EP300: variants seen among roughly 807,000 people sequenced by gnomAD.
EP300 encodes histone acetyltransferase p300.
EP300 carries 31 observed loss-of-function variants against 264.0 expected under a neutral mutation model. The ratio of observed to expected loss-of-function variants is 0.12; its 90% CI spans 0.09 to 0.16. The LOEUF (loss-of-function observed/expected upper bound fraction) is 0.16. Among genes scored for constraint, EP300 ranks in the 10% least tolerant of loss-of-function variants. The pLI is 1.00. For synonymous variants in EP300, 1,340 were observed against 1,045.4 expected (o/e 1.28, Z -5.44); for missense variants, 2,766 against 3,052.9 (o/e 0.91, Z 2.21).
intron 6 of EP300, among the ~76,000 whole-genome samples, chr22:41,134,993 C>CGCCTCCT (rs1222814162): frequency 6.6e-5 from 10 of 152,064 alleles, no homozygotes; most frequent in Non-Finnish European, 1.2e-4. Context: ...CTGCAACCTC[C>CGCCTCCT]GCCTCCTGGG....
At chr22:41,126,707 T>C (rs1438283379) in intron 3 of EP300, among the ~76,000 whole-genome samples, 1 of 148,650 alleles carries the variant, frequency 6.7e-6, no homozygotes, top group Non-Finnish European at 1.5e-5. Context: ...AAACATGTCA[T>C]CTCTGTCCCG....
chr22:41,178,035 G>A lies in EP300; in HGVS notation c.6324G>A (p.Gln2108=), dbSNP rs764242648. ...QPIPGQPGMP[Q]GQPGLQPPTM... ...TCCCTGGGCAGCCTGGCATGCCCCAGGGGCAGCCAGGGCTACAGCCACCTA... is the reference window on the plus strand; with the variant it reads ...TCCCTGGGCAGCCTGGCATGCCCCAAGGGCAGCCAGGGCTACAGCCACCTA... The change falls in exon 31 of 31, where the codon CAG becomes CAA. Residue 2108 remains glutamine, a synonymous_variant. Coordinates refer to ENST00000263253, the MANE Select transcript of EP300 (RefSeq NM_001429.4). The A allele has an allele frequency of 1.6e-5, 26 of 1,614,098 alleles. 1 individual carries two copies. In the South Asian group the frequency reaches 2.9e-4, roughly 18 times the overall value.
chr22:41,168,391 C>T (rs980102262), intron 23 of EP300, 58 bp from the exon 24 acceptor site: 165 of 1,596,652 alleles, frequency 1.0e-4, no homozygotes, highest in Admixed American at 3.8e-4. Flanking sequence ...GAGGTTGAAC[C>T]TTAAGACTAA....
chr22:41,125,332 A>G (rs2058875324), intron 2 of EP300, among the ~76,000 whole-genome samples: 2 of 151,378 alleles, frequency 1.3e-5, no homozygotes, highest in African/African-American at 4.8e-5. Context: ...GTTAGCCAGG[A>G]TAGTCTCTAT....
rs1230582824 is a variant in EP300 at position 41,179,795 on chromosome 22, A to T, written c.*839A>T. On this transcript the variant is annotated 3_prime_UTR_variant, in exon 31 of 31. Coordinates refer to ENST00000263253, the MANE Select transcript of EP300 (RefSeq NM_001429.4). ...AAAATTAAAAAGAGGGTAAGAAACG[A>T]TTCCGGTGGGATGATTTTAACATGC... 2 of 229,962 alleles carry T rather than the reference A, an allele frequency of 8.7e-6. No homozygotes were observed. Among genetic ancestry groups the T allele is most frequent in the Non-Finnish European group, 1.7e-5 (2 of 116,014 alleles). 14.2% of individuals were successfully genotyped at this position (229,962 alleles called of 1,614,324 possible). A position where few individuals can be genotyped will look rare whatever the true frequency, so the allele number is the denominator to read the frequency against.
rs1326145389 is a variant in EP300, at chr22:41,177,287, C to T, written c.5576C>T (p.Thr1859Ile). 1 of 1,614,126 alleles carries T rather than the reference C, an allele frequency of 6.2e-7. No individual in the cohort carries two copies. The highest frequency in any genetic ancestry group is 1.1e-5 in the South Asian group (1 of 91,080). ...SPTPATPTTP[T>I]GQQPTTPQTP... ...ACTCCTGCCACTCCAACGACACCAA[C>T]TGGCCAACAGCCAACCACCCCGCAG... Residue 1859 changes from threonine to isoleucine, a missense_variant, in exon 31 of 31, where the codon ACT becomes ATT. Thr to Ile is a moderately conservative substitution (Grantham distance 89, BLOSUM62 -1). Transcript: ENST00000263253.
chr22:41,113,154 T>TCCCCCC (rs146149759), intron 1 of EP300, among the ~76,000 whole-genome samples: 38 of 68,356 alleles, frequency 5.6e-4, no homozygotes, highest in South Asian at 1.2e-3. Flanking sequence ...GAATCAGGAT[T>TCCCCCC]CCACCCCCCC....
rs745616467 is a variant in EP300, at chr22:41,178,820, A to G, written c.7109A>G (p.Asn2370Ser). The change falls in exon 31 of 31, where the codon AAT becomes AGT. Residue 2370 changes from asparagine (N) to serine (S), a missense_variant. By Grantham distance (46) the Asn-to-Ser change is conservative. Coordinates refer to ENST00000263253, the MANE Select transcript of EP300 (RefSeq NM_001429.4). ...GGGCATTTTGCCAGCCCGGACCAGA[A>G]TTCAATGCTTTCTCAGCTTGCTAGC... ...EQGHFASPDQNSMLSQLASNP... is the reference protein window; with the variant it reads ...EQGHFASPDQSSMLSQLASNP... The G allele has an allele frequency of 5.6e-6, 9 of 1,614,160 alleles. No homozygotes were observed. Among genetic ancestry groups the G allele is most frequent in the Non-Finnish European group, 6.8e-6 (8 of 1,180,022 alleles).
chr22:41,113,319 A>G (rs1340048903), intron 1 of EP300, among the ~76,000 whole-genome samples: 2 of 151,346 alleles, frequency 1.3e-5, no homozygotes, highest in Admixed American at 6.6e-5. Context: ...TTATCTTTTA[A>G]TTTTCTTTTT....
At chr22:41,101,568 TGC>T (rs1260666373) in intron 1 of EP300, among the ~76,000 whole-genome samples, 2 of 151,920 alleles carry the variant, frequency 1.3e-5, no homozygotes, top group African/African-American at 4.8e-5. Flanking sequence ...CCCGCCACCA[TGC>T]CCGGCTAATT....
chr22:41,134,715 T>C (rs958464990), intron 6 of EP300, among the ~76,000 whole-genome samples: 1 of 152,148 alleles, frequency 6.6e-6, no homozygotes, highest in African/African-American at 2.4e-5. Context: ...AAATAATTAT[T>C]GAGTGACGAG....
rs1341243970 is a variant in EP300 at position 41,177,831 on chromosome 22, A to G, written c.6120A>G (p.Pro2040=). 6.2e-7 allele frequency: 1 copy of G among 1,614,048 alleles called. No individual in the cohort carries two copies. Among genetic ancestry groups the G allele is most frequent in the Admixed American group, 1.7e-5 (1 of 60,016 alleles). Residue 2040 remains proline (P), a synonymous_variant, in exon 31 of 31, where the codon CCA becomes CCG. Transcript: ENST00000263253. ...QPGLGQVGIS[P]LKPGTVSQQA... The stretch of plus-strand genomic sequence containing the variant: ...GATTGGGCCAGGTAGGTATCAGCCC[A>G]CTCAAACCAGGCACTGTGTCTCAAC...
chr22:41,167,842 T>G (rs1429358997), intron 23 of EP300, among the ~76,000 whole-genome samples: 29 of 102,632 alleles, frequency 2.8e-4, no homozygotes, highest in Non-Finnish European at 5.2e-4. Flanking sequence ...TTTTTTTTTT[T>G]TTTTTTTTTG....
chr22:41,158,669 A>T (rs1042988801), intron 19 of EP300, 169 bp downstream of exon 19: 4 of 630,936 alleles, frequency 6.3e-6, no homozygotes, highest in Non-Finnish European at 1.1e-5. Context: ...GAACAATAAA[A>T]TTTTCTATCA....
chr22:41,119,842 A>C (rs185808050), intron 2 of EP300, among the ~76,000 whole-genome samples: 161 of 152,248 alleles, frequency 1.1e-3, no homozygotes, highest in African/African-American at 3.7e-3. Flanking sequence ...TTTGAGACCG[A>C]GTCTTGCTGT....
chr22:41,132,391 G>A (rs1291811672), intron 6 of EP300, among the ~76,000 whole-genome samples: 5 of 143,430 alleles, frequency 3.5e-5, no homozygotes, highest in Admixed American at 7.2e-5. Context: ...GGGTTCAAGC[G>A]AATCTCCTGC....
Position 41,176,910 on chromosome 22 carries a change from G to C in EP300, c.5199G>C (p.Leu1733=). ...AGAGCCCAGGCGATTCTCGCCGCCTGAGTATCCAGCGCTGCATCCAGTCTC... is the reference window on the plus strand; with the variant it reads ...AGAGCCCAGGCGATTCTCGCCGCCTCAGTATCCAGCGCTGCATCCAGTCTC... ...ATQSPGDSRR[L]SIQRCIQSLV... Residue 1733 remains leucine, a synonymous_variant, in exon 31 of 31, where the codon CTG becomes CTC. Coordinates refer to ENST00000263253, the MANE Select transcript of EP300 (RefSeq NM_001429.4). 1 of 1,614,174 alleles carries C rather than the reference G, an allele frequency of 6.2e-7. No individual in the cohort carries two copies. Among genetic ancestry groups the C allele is most frequent in the Non-Finnish European group, 8.5e-7 (1 of 1,180,022 alleles).
intron 20 of EP300, among the ~76,000 whole-genome samples, chr22:41,161,886 A>G (rs1432706476): frequency 6.6e-6 from 1 of 152,220 alleles, no homozygotes; most frequent in African/African-American, 2.4e-5. Context: ...AGTAGATACT[A>G]GGAGCCTTTG....
Position 41,145,716 on chromosome 22 carries a change from C to T in EP300, c.2054-1023C>T, listed in dbSNP as rs185045590. Among the ~76,000 whole-genome samples, 1,059 of 152,250 alleles carry T rather than the reference C, an allele frequency of 7.0e-3. 6 individuals are homozygous for T. The highest frequency in any genetic ancestry group is 0.011 in the Non-Finnish European group (722 of 68,016). ...TCAGCTTACTGCAAGCTCCACCTCC[C>T]GGGGTCATGCCCCGGGTTCACGCCA... On this transcript the variant is annotated intron_variant, in intron 10 of 30. Coordinates refer to ENST00000263253, the MANE Select transcript of EP300 (RefSeq NM_001429.4).
Sources: allele counts gnomAD v4.1 joint callset (sites outside exome capture counted in the v4.1 genomes callset), GRCh38; gene constraint gnomAD v4.1.1; transcripts MANE v1.5; gene names NCBI Gene and HGNC (gene_info 2026-07-23, HGNC 2026-07-21).